PTPRK: variants seen among roughly 807,000 people sequenced by gnomAD.
PTPRK encodes the protein protein tyrosine phosphatase receptor type K.
Under a neutral mutation model 178.0 loss-of-function variants are expected in PTPRK, and 75 were observed. The observed-to-expected ratio is 0.42, with a 90% CI of 0.35 to 0.51. The LOEUF (loss-of-function observed/expected upper bound fraction) is 0.51. Among genes scored for constraint, PTPRK ranks in the 20% least tolerant of loss-of-function variants. The probability of loss-of-function intolerance (pLI) is 0.02; values close to 1 mark genes in which losing one functional copy is unlikely to be tolerated. For missense variants in PTPRK, 1,441 were observed against 1,797.8 expected (o/e 0.80, Z 3.59); for synonymous variants, 637 against 620.6 (o/e 1.03, Z -0.39).
chr6:128,251,690 A>G (rs1249671813), intron 3 of PTPRK, among the ~76,000 whole-genome samples: 2 of 152,186 alleles, frequency 1.3e-5, no homozygotes. Context: ...GCACACATAC[A>G]TATATACACG....
chr6:128,100,971 C>T (rs1347072533), intron 7 of PTPRK, among the ~76,000 whole-genome samples: 1 of 151,916 alleles, frequency 6.6e-6, no homozygotes, highest in Non-Finnish European at 1.5e-5. Flanking sequence ...TCAAAGGGTT[C>T]CATTCCACAG....
At chr6:128,216,045 A>G (rs1301516850) in intron 6 of PTPRK, among the ~76,000 whole-genome samples, 1 of 152,210 alleles carries the variant, frequency 6.6e-6, no homozygotes, top group African/African-American at 2.4e-5. Flanking sequence ...TAAAACAGCA[A>G]GCAAAGTATC....
intron 15 of PTPRK, among the ~76,000 whole-genome samples, chr6:128,001,900 T>C (rs7758792): frequency 0.54 from 81,914 of 151,558 alleles, 22,177 homozygotes; most frequent in Middle Eastern, 0.63. Flanking sequence ...GACAGCATTC[T>C]ACAGTGCTTA....
chr6:127,990,855 T>C lies in PTPRK; in HGVS notation c.3010A>G (p.Thr1004Ala). ...VKCYKYWPDD[T>A]EVYGDFKVTC... ...ACTTTGAAGTCACCATAAACTTCAG[T>C]ATCATCAGGCCAATATTTATAGCAT... Residue 1004 changes from threonine (T) to alanine (A), a missense_variant, in exon 21 of 30, where the codon ACT becomes GCT. Physicochemically the swap from Thr to Ala is moderately conservative, Grantham distance 58 (BLOSUM62 0). This residue lies in a region of PTPRK where 945 missense variants were observed against 1,080.6 expected (regional missense o/e 0.87). Coordinates refer to ENST00000368226, the MANE Select transcript of PTPRK (RefSeq NM_002844.4). 1 of 1,610,182 alleles carries C rather than the reference T, an allele frequency of 6.2e-7. No individual in the cohort carries two copies. The highest frequency in any genetic ancestry group is 2.2e-5 in the East Asian group (1 of 44,776).
chr6:128,105,211 G>A (rs774162624), intron 7 of PTPRK, among the ~76,000 whole-genome samples: 13 of 149,850 alleles, frequency 8.7e-5, no homozygotes, highest in East Asian at 2.0e-4. Context: ...TCGGCTCACC[G>A]CAAGCTCCGC....
At chr6:128,088,332 G>A (rs892788436) in intron 8 of PTPRK, among the ~76,000 whole-genome samples, 19 of 150,758 alleles carry the variant, frequency 1.3e-4, no homozygotes, top group Non-Finnish European at 2.4e-4. Context: ...GAGCCGAGTC[G>A]AGCCACTGCA....
At chr6:128,088,104 A>G (rs1786266774) in intron 8 of PTPRK, among the ~76,000 whole-genome samples, 1 of 152,154 alleles carries the variant, frequency 6.6e-6, no homozygotes, top group Admixed American at 6.6e-5. Flanking sequence ...CCCGCTGGGC[A>G]CAGTGGCTCA....
intron 1 of PTPRK, among the ~76,000 whole-genome samples, chr6:128,442,677 G>A (rs183187007): frequency 3.5e-4 from 54 of 152,206 alleles, no homozygotes; most frequent in African/African-American, 1.1e-3. Context: ...CATACATAAC[G>A]AAAAGTATCT....
At chr6:128,325,959 C>T (rs1292479609) in intron 2 of PTPRK, among the ~76,000 whole-genome samples, 2 of 152,102 alleles carry the variant, frequency 1.3e-5, no homozygotes, top group African/African-American at 4.8e-5. Context: ...GAAAATGTGG[C>T]ACATAAACAC....
At chr6:128,012,103 A>G (rs1293908363) in intron 13 of PTPRK, among the ~76,000 whole-genome samples, 1 of 151,276 alleles carries the variant, frequency 6.6e-6, no homozygotes, top group Non-Finnish European at 1.5e-5. Context: ...CAAATTCTCC[A>G]AATACATGTG....
At chr6:128,110,717 G>A (rs1562601843) in intron 7 of PTPRK, among the ~76,000 whole-genome samples, 1 of 152,064 alleles carries the variant, frequency 6.6e-6, no homozygotes, top group Admixed American at 6.6e-5. Context: ...TGAAGAAAAT[G>A]ATCAAAAACA....
intron 1 of PTPRK, among the ~76,000 whole-genome samples, chr6:128,399,741 C>T (rs1255133925): frequency 6.6e-6 from 1 of 152,132 alleles, no homozygotes; most frequent in Non-Finnish European, 1.5e-5. Context: ...GACAAATGGC[C>T]TTAATTGCTC....
chr6:128,202,993 T>C lies in PTPRK; in HGVS notation c.868+15929A>G, dbSNP rs78686205. 5.9e-3 allele frequency among the ~76,000 whole-genome samples: 902 copies of C among 152,284 alleles called. 5 individuals are homozygous for C. The highest frequency in any genetic ancestry group is 0.021 in the African/African-American group (852 of 41,554). On this transcript the variant is annotated intron_variant, in intron 6 of 29. Transcript: ENST00000368226. ...GGCCAACATCCTTAATGAACATCTATGTAAAAATCCTCAACAAAATACTGT... is the reference window on the plus strand; with the variant it reads ...GGCCAACATCCTTAATGAACATCTACGTAAAAATCCTCAACAAAATACTGT...
chr6:128,257,347 T>G, intron 3 of PTPRK, among the ~76,000 whole-genome samples: 1 of 152,082 alleles, frequency 6.6e-6, no homozygotes, highest in East Asian at 1.9e-4. Context: ...TTTGAAGGTG[T>G]TGTAATGCCT....
chr6:128,495,601 C>T (rs1157617560), intron 1 of PTPRK, among the ~76,000 whole-genome samples: 1 of 152,172 alleles, frequency 6.6e-6, no homozygotes, highest in Non-Finnish European at 1.5e-5. Context: ...CTGTACACTT[C>T]TCTCACCCTA....
chr6:128,318,040 T>C (rs757993535), intron 3 of PTPRK, among the ~76,000 whole-genome samples: 8 of 152,318 alleles, frequency 5.3e-5, no homozygotes, highest in Middle Eastern at 3.4e-3. Context: ...CTATATGATA[T>C]ATCTAGAGAA....
chr6:128,395,703 A>G (rs1840211415), intron 2 of PTPRK, among the ~76,000 whole-genome samples: 1 of 152,146 alleles, frequency 6.6e-6, no homozygotes, highest in Admixed American at 6.5e-5. Context: ...GAAAAAATAC[A>G]AATCTACGCA....
chr6:128,495,114 AGTGT>A (rs946156163), intron 1 of PTPRK, among the ~76,000 whole-genome samples: 1 of 152,178 alleles, frequency 6.6e-6, no homozygotes, highest in African/African-American at 2.4e-5. Flanking sequence ...TGTGTGGGTG[AGTGT>A]GTGTATCTAT....
intron 11 of PTPRK, among the ~76,000 whole-genome samples, chr6:128,074,085 C>A (rs1418128389): frequency 6.6e-6 from 1 of 151,882 alleles, no homozygotes; most frequent in Non-Finnish European, 1.5e-5. Flanking sequence ...ATTTCTTTTC[C>A]TAATTTAACT....
Sources: allele counts gnomAD v4.1 joint callset (sites outside exome capture counted in the v4.1 genomes callset), GRCh38; gene constraint gnomAD v4.1.1; regional missense constraint gnomAD v4.1.1; transcripts MANE v1.5; gene names NCBI Gene and HGNC (gene_info 2026-07-23, HGNC 2026-07-21).